The following RPTOR variants were observed in gnomAD, a reference collection of about 807,000 sequenced individuals.
RPTOR encodes regulatory associated protein of MTOR complex 1, also known as regulatory-associated protein of mTOR.
Under a neutral mutation model 169.9 loss-of-function variants are expected in RPTOR, and 21 were observed. The ratio of observed to expected loss-of-function variants is 0.12; its 90% CI spans 0.09 to 0.18. The LOEUF is 0.18. RPTOR is among the 10% of genes least tolerant of loss of function. RPTOR has a pLI of 1.00. For synonymous variants in RPTOR, 732 were observed against 753.2 expected, an observed-to-expected ratio of 0.97 and a Z score of 0.46; for missense variants, 1,133 against 1,855.9, an observed-to-expected ratio of 0.61 and a Z score of 7.16.
chr17:80,827,142 A>C (rs1285455145), intron 9 of RPTOR, among the ~76,000 whole-genome samples: 1 of 152,116 alleles, frequency 6.6e-6, no homozygotes, highest in African/African-American at 2.4e-5. Context: ...GAAAGAAGAA[A>C]ACCTCATTCA....
intron 6 of RPTOR, among the ~76,000 whole-genome samples, chr17:80,789,669 T>C (rs1231594911): frequency 6.6e-6 from 1 of 152,238 alleles, no homozygotes; most frequent in Non-Finnish European, 1.5e-5. Context: ...GTAAGGCTGC[T>C]GCCTTTCAGT....
intron 21 of RPTOR, among the ~76,000 whole-genome samples, chr17:80,916,697 C>T (rs73355847): frequency 0.02 from 3,081 of 152,316 alleles, 111 homozygotes; most frequent in African/African-American, 0.07. Flanking sequence ...ACCTAAGTTA[C>T]TGATAAAGTA....
At chr17:80,618,911 A>G (rs2065334020) in intron 1 of RPTOR, among the ~76,000 whole-genome samples, 1 of 152,196 alleles carries the variant, frequency 6.6e-6, no homozygotes, top group Non-Finnish European at 1.5e-5. Flanking sequence ...ACTTTGTAGC[A>G]GTGCTTGGGG....
At chr17:80,875,054 T>C (rs1220096747) in intron 13 of RPTOR, among the ~76,000 whole-genome samples, 1 of 152,230 alleles carries the variant, frequency 6.6e-6, no homozygotes, top group African/African-American at 2.4e-5. Context: ...CCTGCCTCCT[T>C]ATGCCTTCCC....
In RPTOR at chr17:80,965,551, G is replaced by A. The variant is rs1037139417; in HGVS notation, c.*1221G>A. ...GAAAAGTGTTCTTTCCGTGTTCGTC[G>A]GGAATCAGGATTATTGAGAGGTGAA... is the stretch of plus-strand genomic sequence containing the variant. On this transcript the variant is annotated 3_prime_UTR_variant, in exon 34 of 34. Transcript: ENST00000306801. 5 of 233,258 alleles carry A rather than the reference G, an allele frequency of 2.1e-5. No homozygotes were observed. The highest frequency in any genetic ancestry group is 5.6e-5 in the Admixed American group (1 of 17,780). 14.4% of individuals were successfully genotyped at this position (233,258 alleles called of 1,614,324 possible).
chr17:80,615,536 T>G (rs1315677820), intron 1 of RPTOR, among the ~76,000 whole-genome samples: 1 of 152,230 alleles, frequency 6.6e-6, no homozygotes, highest in East Asian at 1.9e-4. Context: ...TGGTTCCCCA[T>G]GGGGCATCTT....
intron 6 of RPTOR, among the ~76,000 whole-genome samples, chr17:80,770,254 C>T (rs1401965364): frequency 6.6e-6 from 1 of 152,192 alleles, no homozygotes. Context: ...CTCAGGATGG[C>T]GGAGCCTTGG....
chr17:80,704,051 G>A (rs2066123405), intron 3 of RPTOR, among the ~76,000 whole-genome samples: 1 of 152,126 alleles, frequency 6.6e-6, no homozygotes, highest in Non-Finnish European at 1.5e-5. Flanking sequence ...GAGAGACATG[G>A]GCGAGATGGG....
At chr17:80,894,760 G>T (rs988366625) in intron 20 of RPTOR, among the ~76,000 whole-genome samples, 10 of 151,144 alleles carry the variant, frequency 6.6e-5, no homozygotes, top group Admixed American at 6.6e-4. Context: ...ATATAAGAGC[G>T]CTGCGTGTGT....
intron 21 of RPTOR, among the ~76,000 whole-genome samples, chr17:80,911,285 T>TC (rs1019980135): frequency 6.6e-6 from 1 of 152,176 alleles, no homozygotes; most frequent in African/African-American, 2.4e-5. Context: ...GCCACCTCCT[T>TC]CGTCACCGTG....
Position 80,957,827 on chromosome 17 carries a change from T to A in RPTOR, c.3477+97T>A, listed in dbSNP as rs2069273027. 1 of 1,126,890 alleles carries A rather than the reference T, an allele frequency of 8.9e-7. No homozygotes were observed. 69.8% of individuals were successfully genotyped at this position (1,126,890 alleles called of 1,614,324 possible). ...ACCCAGCAAAGTGTGCGGTGAGGCC[T>A]GGCCATCCCAGGGGTGGAGTCAGGG... is the stretch of plus-strand genomic sequence containing the variant. On this transcript the variant is annotated intron_variant, in intron 29 of 33. Coordinates refer to ENST00000306801, the MANE Select transcript of RPTOR (RefSeq NM_020761.3). This position sits in a 1 kb window ranked among gnomAD's most constrained non-coding sequence, Gnocchi z 4.6.
At chr17:80,891,903 C>A in intron 18 of RPTOR, 66 bp downstream of exon 18, 1 of 1,135,678 alleles carries the variant, frequency 8.8e-7, no homozygotes, top group South Asian at 1.3e-5. Context: ...AGGCCGCGGC[C>A]CAGTCTTGCT....
intron 25 of RPTOR, chr17:80,942,042 C>A (rs947406901): frequency 2.6e-5 from 4 of 152,240 alleles, no homozygotes; most frequent in African/African-American, 9.6e-5. Context: ...TTTAAAGCAT[C>A]GCATGTTGCA....
chr17:80,598,200 A>G (rs1054092659), intron 1 of RPTOR, among the ~76,000 whole-genome samples: 7 of 152,084 alleles, frequency 4.6e-5, no homozygotes, highest in African/African-American at 1.7e-4. Context: ...AGACCAGTGG[A>G]TACGGTCACC....
chr17:80,694,564 C>A (rs181291510), intron 3 of RPTOR, among the ~76,000 whole-genome samples: 1 of 152,354 alleles, frequency 6.6e-6, no homozygotes, highest in East Asian at 1.9e-4. Flanking sequence ...GCGCCCCTTC[C>A]TTCCATCCAG....
At chr17:80,759,209 A>G (rs999681674) in intron 6 of RPTOR, among the ~76,000 whole-genome samples, 5 of 151,892 alleles carry the variant, frequency 3.3e-5, no homozygotes, top group African/African-American at 1.2e-4. Context: ...TAAAATAAAG[A>G]AGTATGCTTT....
At chr17:80,653,648 G>A (rs989844854) in intron 3 of RPTOR, among the ~76,000 whole-genome samples, 6 of 152,204 alleles carry the variant, frequency 3.9e-5, no homozygotes, top group African/African-American at 1.2e-4. Flanking sequence ...CAGGAGGGGC[G>A]GTGCATGTCC....
At chr17:80,741,356 T>C (rs2066480463) in intron 5 of RPTOR, among the ~76,000 whole-genome samples, 1 of 152,116 alleles carries the variant, frequency 6.6e-6, no homozygotes, top group Non-Finnish European at 1.5e-5. Context: ...TGGCAGGCAG[T>C]GGCAGTGCTT....
chr17:80,860,712 G>C lies in RPTOR; in HGVS notation c.1509+2812G>C, dbSNP rs929706521. Among the ~76,000 whole-genome samples the C allele has an allele frequency of 1.3e-5, 2 of 152,054 alleles. No individual in the cohort carries two copies. Among genetic ancestry groups the C allele is most frequent in the African/African-American group, 4.8e-5 (2 of 41,392 alleles). On this transcript the variant is annotated intron_variant, in intron 13 of 33. Coordinates refer to ENST00000306801, the MANE Select transcript of RPTOR (RefSeq NM_020761.3). This position sits in a 1 kb window ranked among gnomAD's most constrained non-coding sequence, Gnocchi z 5.8. ...GTAGATTCCCTGGGATTTTCTGCTAGTTCACTGGTTCTTGTAGATTCCCTA... is the reference window on the plus strand; with the variant it reads ...GTAGATTCCCTGGGATTTTCTGCTACTTCACTGGTTCTTGTAGATTCCCTA...
Sources: gnomAD v4.1 joint callset for allele counts (sites outside exome capture counted in the v4.1 genomes callset) on GRCh38, gnomAD v4.1.1 for gene constraint, Gnocchi (gnomAD v3.1) non-coding constraint, MANE v1.5 for transcripts, NCBI Gene and HGNC (gene_info 2026-07-23, HGNC 2026-07-21) for gene names.